NPAS3: variants seen among roughly 807,000 people sequenced by gnomAD.
NPAS3 encodes neuronal PAS domain protein 3, also known as neuronal PAS domain-containing protein 3.
A neutral mutation model predicts 73.1 loss-of-function variants in NPAS3; 14 were observed. That is an observed-to-expected ratio of 0.19 (90% CI 0.13 to 0.30). NPAS3 has a LOEUF of 0.30. NPAS3 is among the 10% of genes least tolerant of loss of function. NPAS3 has a pLI of 1.00. For synonymous variants in NPAS3, 620 were observed against 541.5 expected (o/e 1.14, Z -2.01); for missense variants, 1,096 against 1,250.0 (o/e 0.88, Z 1.86).
At chr14:33,015,690 T>C (rs1490713273) in intron 1 of NPAS3, among the ~76,000 whole-genome samples, 2 of 152,196 alleles carry the variant, frequency 1.3e-5, no homozygotes, top group African/African-American at 4.8e-5. Flanking sequence ...AGAATATATA[T>C]GCATACACAG....
chr14:33,425,012 TA>T (rs2048499741), intron 4 of NPAS3, among the ~76,000 whole-genome samples: 1 of 151,850 alleles, frequency 6.6e-6, no homozygotes, highest in East Asian at 1.9e-4. Context: ...GATAGAGATG[TA>T]GAAGGAAAAC....
At chr14:33,580,879 C>T (rs2056638764) in intron 5 of NPAS3, among the ~76,000 whole-genome samples, 1 of 151,912 alleles carries the variant, frequency 6.6e-6, no homozygotes, top group Non-Finnish European at 1.5e-5. Context: ...GAAGAAATTC[C>T]CCTATTTCTC....
chr14:33,283,691 TG>T (rs758807627), intron 3 of NPAS3, among the ~76,000 whole-genome samples: 14 of 152,182 alleles, frequency 9.2e-5, no homozygotes, highest in Non-Finnish European at 1.6e-4. Flanking sequence ...CGAGTTGAAT[TG>T]TGTTGTGGCA....
At chr14:33,622,992 A>G (rs998100536) in intron 5 of NPAS3, among the ~76,000 whole-genome samples, 13 of 152,166 alleles carry the variant, frequency 8.5e-5, no homozygotes, top group African/African-American at 2.9e-4. Context: ...ACCACTTCAC[A>G]CTACTGCATT....
At chr14:33,418,060 T>C (rs1389528625) in intron 4 of NPAS3, among the ~76,000 whole-genome samples, 2 of 148,968 alleles carry the variant, frequency 1.3e-5, no homozygotes, top group East Asian at 2.0e-4. Flanking sequence ...TTTTTTTTTT[T>C]CAGAAATCTA....
At chr14:33,016,210 G>T (rs1366097862) in intron 1 of NPAS3, among the ~76,000 whole-genome samples, 2 of 152,086 alleles carry the variant, frequency 1.3e-5, no homozygotes, top group African/African-American at 4.8e-5. Context: ...TGTATAGCTA[G>T]ACCTGTAACT....
At chr14:33,788,982 T>TG (rs1284869853) in intron 9 of NPAS3, among the ~76,000 whole-genome samples, 6 of 104,804 alleles carry the variant, frequency 5.7e-5, no homozygotes, top group Non-Finnish European at 1.1e-4. Context: ...TTGGTGGGGG[T>TG]GGGGGGCGGG....
intron 3 of NPAS3, among the ~76,000 whole-genome samples, chr14:33,236,034 G>A (rs2048022910): frequency 6.6e-6 from 1 of 151,810 alleles, no homozygotes; most frequent in South Asian, 2.1e-4. Context: ...TTCTGAGAGA[G>A]AGTTAGCATC....
intron 3 of NPAS3, among the ~76,000 whole-genome samples, chr14:33,331,285 A>AG (rs1224168963): frequency 6.6e-6 from 1 of 152,208 alleles, no homozygotes; most frequent in African/African-American, 2.4e-5. Context: ...TTTTGGATAA[A>AG]GGGGGGCCGC....
At chr14:33,036,570 T>C (rs2040176426) in intron 1 of NPAS3, among the ~76,000 whole-genome samples, 1 of 152,208 alleles carries the variant, frequency 6.6e-6, no homozygotes, top group African/African-American at 2.4e-5. Flanking sequence ...GCATTTATTA[T>C]TGTGGGAAGT....
intron 2 of NPAS3, among the ~76,000 whole-genome samples, chr14:33,069,994 G>C (rs1003102801): frequency 1.3e-5 from 2 of 152,124 alleles, no homozygotes; most frequent in African/African-American, 4.8e-5. Context: ...ACCCTTCTGG[G>C]CACATTTTGA....
chr14:33,488,785 C>T (rs2051742009), intron 4 of NPAS3, among the ~76,000 whole-genome samples: 2 of 152,166 alleles, frequency 1.3e-5, no homozygotes, highest in South Asian at 4.1e-4. Context: ...GCTGGCAGAA[C>T]TGGAGAAATG....
chr14:33,626,615 A>G (rs2058227152), intron 5 of NPAS3, among the ~76,000 whole-genome samples: 1 of 152,166 alleles, frequency 6.6e-6, no homozygotes, highest in Admixed American at 6.5e-5. Context: ...GCATTAAACT[A>G]ACGATGCTAC....
chr14:33,027,637 C>T (rs776404962), intron 1 of NPAS3, among the ~76,000 whole-genome samples: 6 of 151,982 alleles, frequency 3.9e-5, no homozygotes, highest in Non-Finnish European at 5.9e-5. Context: ...TATAATTGCC[C>T]CCACCCTTCA....
intron 3 of NPAS3, among the ~76,000 whole-genome samples, chr14:33,230,601 C>T (rs373184984): frequency 6.6e-5 from 10 of 152,082 alleles, no homozygotes; most frequent in Admixed American, 3.3e-4. Context: ...AATGACATAA[C>T]ATTTAATACA....
chr14:33,681,481 G>C (rs146403587), intron 6 of NPAS3, among the ~76,000 whole-genome samples: 1 of 152,268 alleles, frequency 6.6e-6, no homozygotes, highest in East Asian at 1.9e-4. Context: ...ATTAGCGCTG[G>C]CCAAGGTGTT....
At chr14:33,225,072 G>T (rs2047577330) in intron 3 of NPAS3, among the ~76,000 whole-genome samples, 1 of 152,050 alleles carries the variant, frequency 6.6e-6, no homozygotes. Context: ...CTTTCTAACT[G>T]GTCAATATTG....
chr14:33,270,470 GGT>G (rs1325859592), intron 3 of NPAS3, among the ~76,000 whole-genome samples: 13 of 151,998 alleles, frequency 8.6e-5, no homozygotes, highest in Admixed American at 8.5e-4. Context: ...GAGTTATAAA[GGT>G]GTGTGTGTGT....
chr14:33,065,626 A>T (rs2041250507), intron 2 of NPAS3, among the ~76,000 whole-genome samples: 1 of 152,046 alleles, frequency 6.6e-6, no homozygotes, highest in South Asian at 2.1e-4. Context: ...ATGTGGTTAA[A>T]TAGACTATCA....
Sources: allele counts gnomAD v4.1 joint callset (sites outside exome capture counted in the v4.1 genomes callset), GRCh38; gene constraint gnomAD v4.1.1; transcripts MANE v1.5; gene names NCBI Gene and HGNC (gene_info 2026-07-23, HGNC 2026-07-21).